The following DNAI4 variants were observed in gnomAD, a reference collection of about 807,000 sequenced individuals.
DNAI4 encodes dynein axonemal intermediate chain 4, also known as WD repeat domain 78.
DNAI4 carries 85 observed loss-of-function variants against 105.8 expected under a neutral mutation model. The ratio of observed to expected loss-of-function variants is 0.80; its 90% confidence interval spans 0.67 to 0.96. The LOEUF is 0.96. DNAI4 is among the 40% of genes least tolerant of loss of function. The probability of loss-of-function intolerance (pLI) is 0.00; values close to 1 mark genes in which losing one functional copy is unlikely to be tolerated. For synonymous variants in DNAI4, 352 were observed against 331.5 expected, an observed-to-expected ratio of 1.06 and a Z score of -0.67; for missense variants, 1,014 against 1,005.6, an observed-to-expected ratio of 1.01 and a Z score of -0.11.
chr1:66,855,273 T>C (rs534763498), intron 7 of DNAI4, among the ~76,000 whole-genome samples: 15 of 152,334 alleles, frequency 9.8e-5, no homozygotes, highest in African/African-American at 3.4e-4. Context: ...TAAAGGCTCT[T>C]GCCCATGTTT....
chr1:66,887,256 T>C (rs1486970316), intron 4 of DNAI4, among the ~76,000 whole-genome samples: 2 of 152,236 alleles, frequency 1.3e-5, no homozygotes, highest in Non-Finnish European at 2.9e-5. Flanking sequence ...AAGTAACTCT[T>C]GGGAACTGTA....
At chr1:66,919,114 T>C (rs969237047) in intron 1 of DNAI4, 2 of 444,018 alleles carry the variant, frequency 4.5e-6, no homozygotes, top group African/African-American at 4.0e-5. Context: ...GTCTCATGCC[T>C]CCCTAAAATG....
At chr1:66,893,117 G>GAAAGAA (rs1472049025) in intron 3 of DNAI4, 112 bp downstream of exon 3, 5 of 516,996 alleles carry the variant, frequency 9.7e-6, no homozygotes, top group Middle Eastern at 5.5e-4. Context: ...AAGAAAGAAA[G>GAAAGAA]AAAGAAACTG....
At chr1:66,915,363 T>C (rs960922090) in intron 1 of DNAI4, among the ~76,000 whole-genome samples, 13 of 152,218 alleles carry the variant, frequency 8.5e-5, no homozygotes, top group African/African-American at 2.9e-4. Flanking sequence ...CAAGGACAGC[T>C]TGGAGGTTAG....
chr1:66,836,198 AAGAAAGAAAG>A (rs1381307006), intron 10 of DNAI4, among the ~76,000 whole-genome samples: 687 of 63,040 alleles, frequency 0.011, 24 homozygotes, highest in African/African-American at 0.016. Context: ...GAAAGAAAGA[AAGAAAGAAAG>A]AGAGAGAGAG....
chr1:66,822,891 G>GT (rs58873638), intron 15 of DNAI4, among the ~76,000 whole-genome samples: 58 of 151,312 alleles, frequency 3.8e-4, no homozygotes, highest in African/African-American at 9.7e-4. Context: ...ACTAGAATTT[G>GT]TTTTTTTTGT....
intron 1 of DNAI4, among the ~76,000 whole-genome samples, chr1:66,915,125 C>T (rs1039564556): frequency 1.3e-5 from 2 of 152,200 alleles, no homozygotes; most frequent in Admixed American, 6.5e-5. Flanking sequence ...ATGACCTTTG[C>T]TCTGTAATCT....
At chr1:66,920,027 C>T in intron 1 of DNAI4, among the ~76,000 whole-genome samples, 1 of 152,192 alleles carries the variant, frequency 6.6e-6, no homozygotes, top group East Asian at 1.9e-4. Context: ...GGAATCATGG[C>T]CCAAAGTGAG....
intron 9 of DNAI4, among the ~76,000 whole-genome samples, chr1:66,839,753 C>A (rs563082319): frequency 1.3e-4 from 20 of 152,254 alleles, no homozygotes; most frequent in African/African-American, 4.8e-4. Context: ...TCTTATTTGC[C>A]TCAAGATGAC....
chr1:66,864,909 A>C (rs1646700547), intron 6 of DNAI4, among the ~76,000 whole-genome samples: 1 of 152,208 alleles, frequency 6.6e-6, no homozygotes, highest in African/African-American at 2.4e-5. Context: ...GGTGGCTAGA[A>C]GAAAGAGGGT....
intron 16 of DNAI4, among the ~76,000 whole-genome samples, chr1:66,815,279 A>C (rs1452448872): frequency 6.6e-6 from 1 of 152,214 alleles, no homozygotes; most frequent in Non-Finnish European, 1.5e-5. Context: ...TTGTATCCTT[A>C]GACCGTGTCA....
At chr1:66,868,417 T>C (rs1646775543) in intron 6 of DNAI4, among the ~76,000 whole-genome samples, 1 of 152,196 alleles carries the variant, frequency 6.6e-6, no homozygotes, top group Admixed American at 6.5e-5. Context: ...GAGGGTGTAT[T>C]CACAAGAGAT....
chr1:66,819,195 C>G (rs1269573300), intron 16 of DNAI4, among the ~76,000 whole-genome samples: 1 of 152,126 alleles, frequency 6.6e-6, no homozygotes, highest in East Asian at 1.9e-4. Flanking sequence ...ATGACATGAG[C>G]CTTTCCAATT....
chr1:66,880,037 G>T (rs999674135), intron 4 of DNAI4, among the ~76,000 whole-genome samples: 2 of 151,680 alleles, frequency 1.3e-5, no homozygotes, highest in African/African-American at 4.9e-5. Flanking sequence ...AGGTCTGATG[G>T]TTTTAAAAGC....
chr1:66,841,361 GA>G (rs1557914715), intron 8 of DNAI4, among the ~76,000 whole-genome samples: 2 of 151,724 alleles, frequency 1.3e-5, no homozygotes, highest in South Asian at 4.2e-4. Context: ...GACATTGCTG[GA>G]AAAAAAAGCA....
Position 66,825,232 on chromosome 1 carries a change from T to G in DNAI4, c.2339+1588A>C, listed in dbSNP as rs561899978. Among the ~76,000 whole-genome samples, 1,143 of 142,810 alleles carry G rather than the reference T, an allele frequency of 8.0e-3. 11 individuals carry two copies. Among genetic ancestry groups the G allele is most frequent in the African/African-American group, 0.028 (1,092 of 39,020 alleles). The allele number at this position is 142,810 out of a possible 152,430, so 93.7% of individuals were successfully genotyped here. A position where few individuals can be genotyped will look rare whatever the true frequency, so the allele number is the denominator to read the frequency against. ...CTGTCGCCCAGGCGGGACTGCGGAC[T>G]GCAGTGGCGCAATCTCGGCTCACTG... On this transcript the variant is annotated intron_variant, in intron 15 of 16. Transcript: ENST00000371026.
chr1:66,830,969 T>G (rs1271934946), intron 13 of DNAI4, among the ~76,000 whole-genome samples: 1 of 108,348 alleles, frequency 9.2e-6, no homozygotes, highest in African/African-American at 3.3e-5. Context: ...AGAGTGAGAC[T>G]CTGTCACAAA....
chr1:66,906,934 T>G (rs1166334165), intron 1 of DNAI4: 1 of 152,180 alleles, frequency 6.6e-6, no homozygotes, highest in African/African-American at 2.4e-5. Flanking sequence ...TTATGTGAAC[T>G]CTGAAACTTG....
intron 15 of DNAI4, 108 bp from the exon 16 acceptor site, chr1:66,822,625 A>G (rs2100335844): frequency 2.0e-6 from 2 of 992,434 alleles, no homozygotes; most frequent in Middle Eastern, 3.4e-4. Context: ...CAAAAACCAT[A>G]AGCCTATTTA....
Sources: allele counts gnomAD v4.1 joint callset (sites outside exome capture counted in the v4.1 genomes callset), GRCh38; gene constraint gnomAD v4.1.1; transcripts MANE v1.5; gene names NCBI Gene and HGNC (gene_info 2026-07-23, HGNC 2026-07-21).